NCAM2: variants seen among roughly 807,000 people sequenced by gnomAD.
The protein encoded by NCAM2 is neural cell adhesion molecule 2, also known as N-CAM-2.
A neutral mutation model predicts 98.1 loss-of-function variants in NCAM2; 30 were observed. That is an observed-to-expected ratio of 0.31 (90% confidence interval 0.23 to 0.41). The LOEUF (loss-of-function observed/expected upper bound fraction) is 0.41, where lower values mean the gene tolerates loss of function less well. Ranked by LOEUF, NCAM2 falls within the 10% of genes least tolerant of loss-of-function variation. The probability of loss-of-function intolerance (pLI) is 1.00; values close to 1 mark genes in which losing one functional copy is unlikely to be tolerated. For synonymous variants in NCAM2, 368 were observed against 342.4 expected, an observed-to-expected ratio of 1.07 and a Z score of -0.83; for missense variants, 867 against 1,005.8, an observed-to-expected ratio of 0.86 and a Z score of 1.87.
intron 8 of NCAM2, among the ~76,000 whole-genome samples, chr21:21,347,222 T>G (rs2075215212): frequency 6.6e-6 from 1 of 151,898 alleles, no homozygotes; most frequent in African/African-American, 2.4e-5. Context: ...GCCAATAAAT[T>G]GGAAAATCTA....
intron 1 of NCAM2, among the ~76,000 whole-genome samples, chr21:21,103,802 T>A (rs1329172170): frequency 2.0e-5 from 3 of 152,150 alleles, no homozygotes; most frequent in Admixed American, 6.6e-5. Context: ...AGGTGAAACT[T>A]GCCTAAAGTT....
chr21:21,088,735 G>A (rs1433127428), intron 1 of NCAM2, among the ~76,000 whole-genome samples: 1 of 152,130 alleles, frequency 6.6e-6, no homozygotes, highest in Non-Finnish European at 1.5e-5. Flanking sequence ...GCTCACGCCT[G>A]TAATCCCAGC....
At chr21:21,512,839 T>G (rs186602668) in intron 16 of NCAM2, among the ~76,000 whole-genome samples, 43 of 152,168 alleles carry the variant, frequency 2.8e-4, no homozygotes, top group Non-Finnish European at 1.5e-4. Context: ...TCAATTTATT[T>G]GAGCTTTTAT....
At chr21:21,531,220 T>G (rs148167300) in intron 16 of NCAM2, among the ~76,000 whole-genome samples, 1 of 152,342 alleles carries the variant, frequency 6.6e-6, no homozygotes, top group African/African-American at 2.4e-5. Context: ...TATGATGCTA[T>G]TTATTACATG....
At chr21:21,402,263 C>A (rs1364063402) in intron 9 of NCAM2, among the ~76,000 whole-genome samples, 1 of 152,004 alleles carries the variant, frequency 6.6e-6, no homozygotes, top group African/African-American at 2.4e-5. Context: ...CTTTTCCTAG[C>A]AAGGAATATA....
chr21:21,315,206 G>C (rs2074184718), intron 5 of NCAM2, among the ~76,000 whole-genome samples: 1 of 152,058 alleles, frequency 6.6e-6, no homozygotes. Flanking sequence ...TGTACCAATG[G>C]CCATTCCAGG....
intron 1 of NCAM2, among the ~76,000 whole-genome samples, chr21:21,007,312 G>A (rs2064130315): frequency 6.6e-6 from 1 of 152,124 alleles, no homozygotes; most frequent in South Asian, 2.1e-4. Flanking sequence ...TCTGTTACCA[G>A]AAAGGGGTCC....
chr21:21,371,813 G>A (rs73322793), intron 8 of NCAM2, among the ~76,000 whole-genome samples: 3,654 of 151,704 alleles, frequency 0.024, 148 homozygotes, highest in African/African-American at 0.084. Context: ...ATTACAGTTT[G>A]CTCAGCACTG....
rs147073128 is a variant in NCAM2 at position 21,321,356 on chromosome 21, G to A, written c.620-3027G>A. 3.6e-3 allele frequency among the ~76,000 whole-genome samples: 549 copies of A among 152,052 alleles called. 4 individuals carry two copies. The highest frequency in any genetic ancestry group is 0.013 in the African/African-American group (520 of 41,502). ...GATTGCAAACATTTTCTCCCATTCT[G>A]TAGGCTGTCTGTTCATTCTGTTGAT... On this transcript the variant is annotated intron_variant, in intron 5 of 17. Coordinates refer to ENST00000400546, the MANE Select transcript of NCAM2 (RefSeq NM_004540.5).
intron 9 of NCAM2, among the ~76,000 whole-genome samples, chr21:21,400,591 C>G (rs938499316): frequency 7.0e-6 from 1 of 143,716 alleles, no homozygotes; most frequent in Non-Finnish European, 1.5e-5. Context: ...AAATATTTAC[C>G]AAAAACTTTT....
At position 21,106,475 on chromosome 21, in the gene NCAM2, A is replaced by G. The variant is rs565112233; in HGVS notation, c.55+107857A>G. ...AAAACTGTTGACAAAAATGTAAAAT[A>G]TAAAAAAGCTAAAACATTACCTATA... On this transcript the variant is annotated intron_variant, in intron 1 of 17. Transcript: ENST00000400546. 5.0e-4 allele frequency among the ~76,000 whole-genome samples: 76 copies of G among 152,150 alleles called. 2 individuals are homozygous for G. The South Asian group carries it at 0.015, about 31-fold the overall frequency.
intron 1 of NCAM2, among the ~76,000 whole-genome samples, chr21:21,265,141 A>ATGTATGTATACATAC (rs2072165085): frequency 8.4e-6 from 1 of 119,680 alleles, no homozygotes; most frequent in African/African-American, 3.2e-5. Flanking sequence ...ATACATATAT[A>ATGTATGTATACATAC]ATATATATAC....
intron 1 of NCAM2, among the ~76,000 whole-genome samples, chr21:21,143,887 G>GAAATAA (rs1310802882): frequency 6.6e-6 from 1 of 151,014 alleles, no homozygotes; most frequent in Non-Finnish European, 1.5e-5. Flanking sequence ...CAATTCAGGG[G>GAAATAA]AAATAAGAAT....
At chr21:21,173,766 T>C (rs2068194633) in intron 1 of NCAM2, among the ~76,000 whole-genome samples, 1 of 152,180 alleles carries the variant, frequency 6.6e-6, no homozygotes, top group African/African-American at 2.4e-5. Flanking sequence ...CCAGATGCGC[T>C]GCAAACTGTC....
intron 1 of NCAM2, among the ~76,000 whole-genome samples, chr21:21,118,334 G>T (rs892969969): frequency 6.6e-6 from 1 of 152,074 alleles, no homozygotes; most frequent in Admixed American, 6.5e-5. Flanking sequence ...AGATGCAGCG[G>T]GGGGGCAGGC....
At chr21:21,101,307 C>T (rs1167324588) in intron 1 of NCAM2, among the ~76,000 whole-genome samples, 1 of 151,924 alleles carries the variant, frequency 6.6e-6, no homozygotes, top group Admixed American at 6.6e-5. Flanking sequence ...AAAAATACAG[C>T]AAACACATAA....
At chr21:21,092,153 T>C (rs2146451431) in intron 1 of NCAM2, among the ~76,000 whole-genome samples, 1 of 152,226 alleles carries the variant, frequency 6.6e-6, no homozygotes, top group Non-Finnish European at 1.5e-5. Context: ...GGTCTGTTTA[T>C]TGAAATGAAA....
intron 15 of NCAM2, among the ~76,000 whole-genome samples, chr21:21,508,601 G>T (rs1000814446): frequency 2.0e-5 from 3 of 151,386 alleles, no homozygotes; most frequent in Admixed American, 2.0e-4. Context: ...AAAAAAAAAA[G>T]AAGTTTGAAA....
Position 21,537,884 on chromosome 21 carries a change from T to C in NCAM2, c.2441T>C (p.Leu814Pro), listed in dbSNP as rs372354690. Residue 814 changes from leucine (L) to proline (P), a missense_variant, in exon 18 of 18, where the codon CTA (leucine) becomes CCA (proline). Leu to Pro is a moderately conservative substitution (Grantham distance 98). Transcript: ENST00000400546. ...AAGGAAGAAGATGGGAAAGAAGCTCTAAATCCAGAAACTATAGAAATTAAA... is the reference window on the plus strand; with the variant it reads ...AAGGAAGAAGATGGGAAAGAAGCTCCAAATCCAGAAACTATAGAAATTAAA... ...PLKEEDGKEA[L>P]NPETIEIKVS... is the part of the protein sequence containing the mutation. 68 of 1,579,462 alleles carry C rather than the reference T, an allele frequency of 4.3e-5. No homozygotes were observed. Among genetic ancestry groups the C allele is most frequent in the Non-Finnish European group, 5.7e-5 (66 of 1,163,512 alleles).
Sources: gnomAD v4.1 joint callset for allele counts (sites outside exome capture counted in the v4.1 genomes callset) on GRCh38, gnomAD v4.1.1 for gene constraint, MANE v1.5 for transcripts, NCBI Gene and HGNC (gene_info 2026-07-23, HGNC 2026-07-21) for gene names.